Variants in ARHGEF10 observed in about 807,000 individuals in gnomAD.
ARHGEF10 encodes the protein Rho guanine nucleotide exchange factor (GEF) 10.
A neutral mutation model predicts 147.4 loss-of-function variants in ARHGEF10; 140 were observed. That is an observed-to-expected ratio of 0.95 (90% CI 0.83 to 1.09). The LOEUF is 1.09. Ranked by LOEUF, ARHGEF10 falls within the 50% of genes least tolerant of loss-of-function variation. The pLI is 0.00. For missense variants in ARHGEF10, 2,222 were observed against 1,752.7 expected (o/e 1.27, Z -4.78); for synonymous variants, 902 against 695.8 (o/e 1.30, Z -4.67).
Position 1,925,279 on chromosome 8 carries a change from G to A in ARHGEF10, c.2489-4G>A, listed in dbSNP as rs1812596994. 1.2e-6 allele frequency: 2 copies of A among 1,614,062 alleles called. No homozygotes were observed. The highest frequency in any genetic ancestry group is 1.3e-5 in the African/African-American group (1 of 74,920). ...TGCTCATTTCTCTCTGAATATAATT[G>A]CAGAAGAGGAGAACCACATGGGCTG... is the stretch of plus-strand genomic sequence containing the variant. On this transcript the variant is annotated splice_polypyrimidine_tract_variant and splice_region_variant and intron_variant, in intron 21 of 28. Coordinates refer to ENST00000349830, the MANE Select transcript of ARHGEF10 (RefSeq NM_014629.4).
Position 1,903,605 on chromosome 8 carries a change from G to T in ARHGEF10, c.1821+154G>T, listed in dbSNP as rs73542977. 0.01 allele frequency: 9,239 copies of T among 880,548 alleles called. 238 individuals are homozygous for T. Among genetic ancestry groups the T allele is most frequent in the African/African-American group, 0.073 (4,337 of 59,494 alleles). The allele number at this position is 880,548 out of a possible 1,614,324, so 54.5% of individuals were successfully genotyped here. On this transcript the variant is annotated intron_variant, in intron 16 of 28. Coordinates refer to ENST00000349830, the MANE Select transcript of ARHGEF10 (RefSeq NM_014629.4). Reference sequence around the variant, plus strand: ...GGGGTGGATGGAGGCCTTCGGGAGAGTCACACCAATGTGGAAATTGTATGT... The same window carrying T: ...GGGGTGGATGGAGGCCTTCGGGAGATTCACACCAATGTGGAAATTGTATGT...
At chr8:1,849,801 C>CGGCCA (rs1211860567) in intron 2 of ARHGEF10, among the ~76,000 whole-genome samples, 2 of 104,732 alleles carry the variant, frequency 1.9e-5, no homozygotes, top group East Asian at 4.0e-4. Flanking sequence ...AGGGCGTGGG[C>CGGCCA]CGGCTGCGTG....
intron 26 of ARHGEF10, 128 bp downstream of exon 26, chr8:1,934,070 C>T (rs1813370360): frequency 7.8e-7 from 1 of 1,277,132 alleles, no homozygotes; most frequent in South Asian, 1.3e-5. Context: ...CACAGTGGCT[C>T]ATGCCTGTAA....
At position 1,889,126 on chromosome 8, in the gene ARHGEF10, G is replaced by T. The variant is rs1354290183; in HGVS notation, c.1182+3419G>T. Among the ~76,000 whole-genome samples the T allele has an allele frequency of 1.8e-5, 2 of 109,952 alleles. 1 individual carries two copies. Among genetic ancestry groups the T allele is most frequent in the African/African-American group, 7.1e-5 (2 of 28,334 alleles). The allele number at this position is 109,952 out of a possible 152,430, so 72.1% of individuals were successfully genotyped here. ...GTGGGGTGTGAGGGGTCTGTGAGGA[G>T]ACACTGTGAGTGGGGTGAGGGTTGT... On this transcript the variant is annotated intron_variant, in intron 11 of 28. Coordinates refer to ENST00000349830, the MANE Select transcript of ARHGEF10 (RefSeq NM_014629.4).
chr8:1,891,480 C>T (rs556898410), intron 11 of ARHGEF10, among the ~76,000 whole-genome samples: 1 of 152,288 alleles, frequency 6.6e-6, no homozygotes, highest in South Asian at 2.1e-4. Flanking sequence ...ACCCTTGATG[C>T]TGGAGGACAG....
chr8:1,845,957 C>G (rs372106919), intron 2 of ARHGEF10, among the ~76,000 whole-genome samples: 13 of 152,236 alleles, frequency 8.5e-5, no homozygotes, highest in African/African-American at 2.9e-4. Flanking sequence ...CAGATTTCGA[C>G]CCAGGGGAGA....
At chr8:1,929,625 T>A (rs1055589442) in intron 25 of ARHGEF10, among the ~76,000 whole-genome samples, 182 bp downstream of exon 25, 15 of 152,152 alleles carry the variant, frequency 9.9e-5, no homozygotes, top group African/African-American at 3.6e-4. Context: ...AGGTGTTTGT[T>A]GAATATACAG....
chr8:1,867,248 A>G (rs1056956979), intron 6 of ARHGEF10, among the ~76,000 whole-genome samples: 1 of 152,202 alleles, frequency 6.6e-6, no homozygotes, highest in Non-Finnish European at 1.5e-5. Flanking sequence ...TGTGCTTGAA[A>G]AGCTAATTGG....
At chr8:1,842,459 G>A (rs1804168256) in intron 1 of ARHGEF10, among the ~76,000 whole-genome samples, 1 of 152,180 alleles carries the variant, frequency 6.6e-6, no homozygotes, top group South Asian at 2.1e-4. Context: ...AGTACGTGAG[G>A]CCGGTGACCA....
At chr8:1,884,972 C>A (rs1347093952) in intron 10 of ARHGEF10, among the ~76,000 whole-genome samples, 2 of 152,072 alleles carry the variant, frequency 1.3e-5, no homozygotes, top group Non-Finnish European at 2.9e-5. Context: ...GCTATGTTGC[C>A]CAGGCTGGTC....
At position 1,876,478 on chromosome 8, in the gene ARHGEF10, G is replaced by A. The variant is rs371678478; in HGVS notation, c.680-93G>A. The stretch of plus-strand genomic sequence containing the variant: ...TGATTCAGATTTCCTTCCACCCCCA[G>A]CTCTAGATGATTTGGTAAAACCACA... On this transcript the variant is annotated intron_variant, in intron 7 of 28. Transcript: ENST00000349830. 6.1e-5 allele frequency: 80 copies of A among 1,303,264 alleles called. No homozygotes were observed. The African/African-American group carries it at 1.1e-3, about 18-fold the overall frequency. The allele number at this position is 1,303,264 out of a possible 1,614,324, so 80.7% of individuals were successfully genotyped here. A position where few individuals can be genotyped will look rare whatever the true frequency, so the allele number is the denominator to read the frequency against.
At position 1,866,279 on chromosome 8, in the gene ARHGEF10, C is replaced by T. The variant is rs74574678; in HGVS notation, c.546-247C>T. Among the ~76,000 whole-genome samples the T allele has an allele frequency of 5.8e-3, 886 of 152,302 alleles. 60 individuals carry two copies. The East Asian group carries it at 0.14, about 24-fold the overall frequency. Reference sequence around the variant, plus strand: ...CGTATTGCGGCTGTATTGCCCTTGCCCGTGTTCTGTGCCGTGCGTAGGCCA... The same window carrying T: ...CGTATTGCGGCTGTATTGCCCTTGCTCGTGTTCTGTGCCGTGCGTAGGCCA... On this transcript the variant is annotated intron_variant, in intron 5 of 28. Coordinates refer to ENST00000349830, the MANE Select transcript of ARHGEF10 (RefSeq NM_014629.4).
intron 1 of ARHGEF10, among the ~76,000 whole-genome samples, chr8:1,831,527 TGGAGGGACAGTGTGACGGC>T (rs1269296545): frequency 8.8e-5 from 5 of 56,878 alleles, no homozygotes; most frequent in African/African-American, 7.9e-5. Context: ...GTGACATCCG[TGGAGGGACAGTGTGACGGC>T]CGTGGAGGGA....
At chr8:1,939,709 T>A (rs897676692) in intron 26 of ARHGEF10, among the ~76,000 whole-genome samples, 1 of 152,184 alleles carries the variant, frequency 6.6e-6, no homozygotes, top group African/African-American at 2.4e-5. Context: ...TGCATCAGGC[T>A]TCGAGACTAC....
Position 1,881,265 on chromosome 8 carries a change from G to A in ARHGEF10, c.960+1101G>A, listed in dbSNP as rs114046404. ...TGGCCGAGGCTGTGACCTGGAACCC[G>A]GGGTCTCACCTGCTCTGGGGCTCAG... On this transcript the variant is annotated intron_variant, in intron 9 of 28. Transcript: ENST00000349830. Among the ~76,000 whole-genome samples, 333 of 152,226 alleles carry A rather than the reference G, an allele frequency of 2.2e-3. 1 individual carries two copies. Among genetic ancestry groups the A allele is most frequent in the Middle Eastern group, 0.017 (5 of 294 alleles).
chr8:1,948,009 A>G lies in ARHGEF10; in HGVS notation c.3397+2354A>G, dbSNP rs1357243839. On this transcript the variant is annotated intron_variant, in intron 27 of 28. Transcript: ENST00000349830. The surrounding 1 kb of genome is among the most constrained non-coding windows in gnomAD (Gnocchi z 4.9). ...AGGTCGCAGGTTCTGGCTAAATCGC[A>G]GCTGCCTGTGTTGCGTGTTTTGGAT... Among the ~76,000 whole-genome samples the G allele has an allele frequency of 1.3e-5, 2 of 151,750 alleles. No individual in the cohort carries two copies. The highest frequency in any genetic ancestry group is 2.9e-5 in the Non-Finnish European group (2 of 67,946).
At chr8:1,880,011 C>T in intron 8 of ARHGEF10, 37 bp from the exon 9 acceptor site, 2 of 1,429,312 alleles carry the variant, frequency 1.4e-6, no homozygotes, top group South Asian at 1.1e-5. Context: ...CCAAAAAGAG[C>T]CTTTTTGTGA....
At chr8:1,871,137 A>G (rs1295419134) in intron 7 of ARHGEF10, 2 of 148,760 alleles carry the variant, frequency 1.3e-5, no homozygotes, top group Non-Finnish European at 3.0e-5. Context: ...AAAAAAAATC[A>G]GTAAACCATA....
chr8:1,956,894 A>C lies in ARHGEF10; in HGVS notation c.3666A>C (p.Ala1222=). 6.2e-7 allele frequency: 1 copy of C among 1,613,998 alleles called. No homozygotes were observed. The highest frequency in any genetic ancestry group is 8.5e-7 in the Non-Finnish European group (1 of 1,179,954). The change falls in exon 29 of 29, where the codon GCA becomes GCC. Residue 1222 remains alanine (A), a synonymous_variant. Transcript: ENST00000349830. ...CTCAGGACGAAGACCAGAAGGACGCACTTCCGAGTGGAGGAGCTGGTTCAT... is the reference window on the plus strand; with the variant it reads ...CTCAGGACGAAGACCAGAAGGACGCCCTTCCGAGTGGAGGAGCTGGTTCAT... ...PEPQDEDQKD[A]LPSGGAGSSL...
Sources: gnomAD v4.1 joint callset for allele counts (sites outside exome capture counted in the v4.1 genomes callset) on GRCh38, gnomAD v4.1.1 for gene constraint, Gnocchi (gnomAD v3.1) non-coding constraint, MANE v1.5 for transcripts, NCBI Gene and HGNC (gene_info 2026-07-23, HGNC 2026-07-21) for gene names.